The following ZBTB25 variants were observed in gnomAD, a reference collection of about 807,000 sequenced individuals.
ZBTB25 encodes the protein zinc finger and BTB domain containing 25.
In ZBTB25, 20 loss-of-function variants were observed where a neutral mutation model predicts 34.2. The ratio of observed to expected loss-of-function variants is 0.58; its 90% CI spans 0.41 to 0.85. ZBTB25 has a LOEUF of 0.85. Ranked by LOEUF, ZBTB25 falls within the 40% of genes least tolerant of loss-of-function variation. The pLI is 0.00. For synonymous variants in ZBTB25, 175 were observed against 186.4 expected, an observed-to-expected ratio of 0.94 and a Z score of 0.50; for missense variants, 437 against 521.8, an observed-to-expected ratio of 0.84 and a Z score of 1.58.
intron 2 of ZBTB25, among the ~76,000 whole-genome samples, chr14:64,456,044 GAGA>G (rs2078467609): frequency 6.6e-6 from 1 of 152,198 alleles, no homozygotes; most frequent in Non-Finnish European, 1.5e-5. Context: ...GTTCTTTTTG[GAGA>G]AGTTGTCAGC....
chr14:64,501,196 A>G (rs2079485106), intron 1 of ZBTB25, among the ~76,000 whole-genome samples: 1 of 152,208 alleles, frequency 6.6e-6, no homozygotes, highest in Non-Finnish European at 1.5e-5. Flanking sequence ...TTTAGGGAGA[A>G]TACTATTCTG....
chr14:64,500,154 G>A (rs1409931097), intron 1 of ZBTB25, among the ~76,000 whole-genome samples: 1 of 152,042 alleles, frequency 6.6e-6, no homozygotes, highest in African/African-American at 2.4e-5. Context: ...GAAAAAATAA[G>A]GTACTCAAAG....
chr14:64,487,972 T>G lies in ZBTB25; in HGVS notation c.259A>C (p.Lys87Gln). 5 of 1,614,190 alleles carry G rather than the reference T, an allele frequency of 3.1e-6. No individual in the cohort carries two copies. The highest frequency in any genetic ancestry group is 4.2e-6 in the Non-Finnish European group (5 of 1,180,038). The stretch of plus-strand genomic sequence containing the variant: ...AAACGACTATGATCCACAATCTGTT[T>G]TGGCCCTTTCCCCGTGTACATAATG... ...LHIMYTGKGPKQIVDHSRLEE... is the reference protein window; with the variant it reads ...LHIMYTGKGPQQIVDHSRLEE... Residue 87 changes from lysine to glutamine, a missense_variant, in exon 3 of 3, where the codon AAA (lysine) becomes CAA (glutamine). Physicochemically the swap from Lys to Gln is moderately conservative, Grantham distance 53. Coordinates refer to ENST00000608382, the MANE Select transcript of ZBTB25 (RefSeq NM_006977.5).
rs1026632167 is a variant in ZBTB25 at position 64,498,743 on chromosome 14, C to T, written c.-8+4918G>A. Among the ~76,000 whole-genome samples, 15 of 152,302 alleles carry T rather than the reference C, an allele frequency of 9.8e-5. 1 individual carries two copies. Among genetic ancestry groups the T allele is most frequent in the Admixed American group, 9.2e-4 (14 of 15,298 alleles). On this transcript the variant is annotated intron_variant, in intron 1 of 2. Transcript: ENST00000608382. ...CCGCCTCCCGGGTTCGCGCCATTCT[C>T]CTGCCTCAGCCTCCCGAGTAGCTGG...
At position 64,485,027 on chromosome 14, in the gene ZBTB25, T is replaced by G. The variant is rs1322010658; in HGVS notation, c.*1896A>C. On this transcript the variant is annotated 3_prime_UTR_variant, in exon 3 of 3. Transcript: ENST00000608382. ...GATGTGCTCTCAACACACATCAGTC[T>G]TAACCATAGGAGCCTTTACTCACTT... 2 of 985,372 alleles carry G rather than the reference T, an allele frequency of 2.0e-6. No homozygotes were observed. The highest frequency in any genetic ancestry group is 2.4e-6 in the Non-Finnish European group (2 of 829,952). The allele number at this position is 985,372 out of a possible 1,614,324, so 61.0% of individuals were successfully genotyped here. A position where few individuals can be genotyped will look rare whatever the true frequency, so the allele number is the denominator to read the frequency against.
rs1179205996 is a variant in ZBTB25, at chr14:64,481,340, CAG to C, written c.*5581_*5582del. 6.6e-6 allele frequency: 1 copy of C among 152,290 alleles called. No homozygotes were observed. The highest frequency in any genetic ancestry group is 1.5e-5 in the Non-Finnish European group (1 of 68,102). 9.4% of individuals were successfully genotyped at this position (152,290 alleles called of 1,614,324 possible). A position where few individuals can be genotyped will look rare whatever the true frequency, so the allele number is the denominator to read the frequency against. On this transcript the variant is annotated 3_prime_UTR_variant, in exon 3 of 3. Transcript: ENST00000608382. Reference sequence around the variant, plus strand: ...TACAGGCATGAGGCACCATGCCCGGCAGATACACAACTTTCTAAAAGAATGTT... The same window carrying C: ...TACAGGCATGAGGCACCATGCCCGGCATACACAACTTTCTAAAAGAATGTT...
At position 64,486,557 on chromosome 14, in the gene ZBTB25, T is replaced by C. The variant is rs2078867007; in HGVS notation, c.*366A>G. The stretch of plus-strand genomic sequence containing the variant: ...TGAAATGTAGGCAGAAGTGATAGTT[T>C]AGAATATGCTTTAAAACAGATTTCA... On this transcript the variant is annotated 3_prime_UTR_variant, in exon 3 of 3. Coordinates refer to ENST00000608382, the MANE Select transcript of ZBTB25 (RefSeq NM_006977.5). 1 of 947,824 alleles carries C rather than the reference T, an allele frequency of 1.1e-6. No homozygotes were observed. Among genetic ancestry groups the C allele is most frequent in the African/African-American group, 1.7e-5 (1 of 57,246 alleles). 58.7% of individuals were successfully genotyped at this position (947,824 alleles called of 1,614,324 possible). A position where few individuals can be genotyped will look rare whatever the true frequency, so the allele number is the denominator to read the frequency against.
chr14:64,496,874 T>C (rs1021291960), intron 1 of ZBTB25, among the ~76,000 whole-genome samples: 9 of 152,168 alleles, frequency 5.9e-5, no homozygotes, highest in Admixed American at 3.3e-4. Context: ...TGCCCTACAC[T>C]ATCTTTTTTT....
At chr14:64,503,229 G>A in intron 1 of ZBTB25, 1 of 985,470 alleles carries the variant, frequency 1.0e-6, no homozygotes, top group Middle Eastern at 5.2e-4. Flanking sequence ...GTAATCACAA[G>A]CTGGGAGTGG....
downstream of ZBTB25, chr14:64,474,212 A>T (rs2078700651): frequency 6.0e-6 from 1 of 167,152 alleles, no homozygotes; most frequent in Non-Finnish European, 1.5e-5. Context: ...ATCTGAATAC[A>T]GCAGCAGTTT....
intron 2 of ZBTB25, chr14:64,454,002 T>C: frequency 2.9e-6 from 2 of 697,928 alleles, no homozygotes; most frequent in South Asian, 3.0e-5. Context: ...AAATACTGAG[T>C]TTGGATTAGG....
chr14:64,501,179 T>C (rs929794739), intron 1 of ZBTB25, among the ~76,000 whole-genome samples: 2 of 152,252 alleles, frequency 1.3e-5, no homozygotes, highest in African/African-American at 2.4e-5. Context: ...TAGCAATATC[T>C]TTCCTTTTTA....
chr14:64,496,350 T>G (rs190677846), intron 1 of ZBTB25, among the ~76,000 whole-genome samples: 260 of 151,990 alleles, frequency 1.7e-3, no homozygotes, highest in Non-Finnish European at 3.2e-3. Flanking sequence ...CTGGGCACAG[T>G]GGCGTGTGCC....
chr14:64,503,745 C>T lies in ZBTB25; in HGVS notation c.-92G>A, dbSNP rs1486968027. On this transcript the variant is annotated 5_prime_UTR_variant, in exon 1 of 3. Transcript: ENST00000608382. ...CGCGCACTGCAAGCAGTGGCGCCGG[C>T]TCACGCACCCCTCGGCCGCCTCTCG... The T allele has an allele frequency of 2.9e-6, 1 of 342,506 alleles. No homozygotes were observed. Among genetic ancestry groups the T allele is most frequent in the African/African-American group, 2.2e-5 (1 of 45,226 alleles). The allele number at this position is 342,506 out of a possible 1,614,324, so 21.2% of individuals were successfully genotyped here. A position where few individuals can be genotyped will look rare whatever the true frequency, so the allele number is the denominator to read the frequency against.
At chr14:64,475,826 A>G (rs560200113), downstream of ZBTB25, among the ~76,000 whole-genome samples, 1 of 152,278 alleles carries the variant, frequency 6.6e-6, no homozygotes, top group South Asian at 2.1e-4. Flanking sequence ...ACTCCAGCCT[A>G]TCATAACAAT....
chr14:64,468,417 T>C (rs776119085), intron 2 of ZBTB25: 3 of 1,603,414 alleles, frequency 1.9e-6, no homozygotes, highest in South Asian at 2.3e-5. Flanking sequence ...ATTTCAGAAA[T>C]TCATGTAGAA....
downstream of ZBTB25, among the ~76,000 whole-genome samples, chr14:64,476,984 C>T (rs535816003): frequency 2.6e-5 from 4 of 152,290 alleles, no homozygotes; most frequent in African/African-American, 9.6e-5. Flanking sequence ...AATTTACATA[C>T]AGCAAAATCC....
At chr14:64,467,098 A>T (rs1214180251) in intron 2 of ZBTB25, 2 of 152,206 alleles carry the variant, frequency 1.3e-5, no homozygotes, top group East Asian at 1.9e-4. Context: ...CCATTAATCA[A>T]TTTTTTAATT....
intron 2 of ZBTB25, chr14:64,453,912 G>C (rs368511910): frequency 1.4e-5 from 17 of 1,182,266 alleles, no homozygotes; most frequent in Non-Finnish European, 2.1e-5. Context: ...GCAGGACTTG[G>C]AGTCACAATC....
Sources: allele counts gnomAD v4.1 joint callset (sites outside exome capture counted in the v4.1 genomes callset), GRCh38; gene constraint gnomAD v4.1.1; transcripts MANE v1.5; gene names NCBI Gene and HGNC (gene_info 2026-07-23, HGNC 2026-07-21).